Variants in KIAA1958 observed in about 807,000 individuals in gnomAD.
KIAA1958 encodes KIAA1958, also known as uncharacterized protein KIAA1958.
KIAA1958 carries 14 observed loss-of-function variants against 47.2 expected under a neutral mutation model. That is an observed-to-expected ratio of 0.30 (90% confidence interval 0.20 to 0.46). The LOEUF (loss-of-function observed/expected upper bound fraction) is 0.46. Among genes scored for constraint, KIAA1958 ranks in the 20% least tolerant of loss-of-function variants. KIAA1958 has a pLI of 1.00. For synonymous variants in KIAA1958, 354 were observed against 353.3 expected (o/e 1.00, Z -0.02); for missense variants, 803 against 909.2 (o/e 0.88, Z 1.50).
At position 112,525,200 on chromosome 9, in the gene KIAA1958, T is replaced by G. The variant is rs142021081; in HGVS notation, c.-25+38082T>G. Among the ~76,000 whole-genome samples the G allele has an allele frequency of 7.2e-3, 1,102 of 152,332 alleles. 11 individuals carry two copies. Among genetic ancestry groups the G allele is most frequent in the African/African-American group, 0.025 (1,034 of 41,564 alleles). On this transcript the variant is annotated intron_variant, in intron 1 of 3. Transcript: ENST00000337530. The stretch of plus-strand genomic sequence containing the variant: ...TAAGGCTTAGTACATGTTGACTCTT[T>G]AATTGTTGTGTCAGAGATGGTTGCA...
At chr9:112,603,083 T>C (rs1054505552) in intron 2 of KIAA1958, among the ~76,000 whole-genome samples, 4 of 152,132 alleles carry the variant, frequency 2.6e-5, no homozygotes, top group Admixed American at 6.5e-5. Context: ...TCATGGTCCA[T>C]TGGGGAGAGA....
At chr9:112,565,886 T>C (rs1052355139) in intron 1 of KIAA1958, among the ~76,000 whole-genome samples, 1 of 152,168 alleles carries the variant, frequency 6.6e-6, no homozygotes, top group African/African-American at 2.4e-5. Context: ...AACTTAATGT[T>C]TACTACCTTT....
intron 2 of KIAA1958, among the ~76,000 whole-genome samples, chr9:112,602,143 G>A (rs1836144532): frequency 6.6e-6 from 1 of 152,082 alleles, no homozygotes; most frequent in South Asian, 2.1e-4. Flanking sequence ...AGAAGATATT[G>A]ACTTTTTAAT....
chr9:112,593,578 T>C (rs1835963826), intron 2 of KIAA1958, among the ~76,000 whole-genome samples: 1 of 152,296 alleles, frequency 6.6e-6, no homozygotes, highest in African/African-American at 2.4e-5. Flanking sequence ...TTTTTTGTTT[T>C]TGTTTTGTTT....
intron 1 of KIAA1958, among the ~76,000 whole-genome samples, chr9:112,506,878 G>C (rs538326490): frequency 6.6e-6 from 1 of 152,160 alleles, no homozygotes; most frequent in South Asian, 2.1e-4. Flanking sequence ...TGCTTAACTA[G>C]AAGTGTGGTA....
intron 2 of KIAA1958, among the ~76,000 whole-genome samples, chr9:112,582,228 C>T (rs1240416669): frequency 6.6e-6 from 1 of 152,134 alleles, no homozygotes; most frequent in African/African-American, 2.4e-5. Flanking sequence ...TTTTAAATGA[C>T]TAGAGAAGTA....
At chr9:112,645,987 A>T (rs1779622737) in intron 3 of KIAA1958, among the ~76,000 whole-genome samples, 165 bp downstream of exon 3, 1 of 152,240 alleles carries the variant, frequency 6.6e-6, no homozygotes. Context: ...AGAATTTAAC[A>T]AGCGTTTTAT....
chr9:112,658,357 A>T (rs967874500), intron 3 of KIAA1958, among the ~76,000 whole-genome samples: 1 of 152,250 alleles, frequency 6.6e-6, no homozygotes, highest in Non-Finnish European at 1.5e-5. Context: ...AAGGAAATCA[A>T]TGATGAAGTT....
intron 1 of KIAA1958, among the ~76,000 whole-genome samples, chr9:112,556,301 G>A (rs1292657965): frequency 6.6e-6 from 1 of 152,152 alleles, no homozygotes; most frequent in Non-Finnish European, 1.5e-5. Flanking sequence ...CATACCCAGG[G>A]CAAAGTCTGC....
chr9:112,610,034 A>G (rs1255570020), intron 2 of KIAA1958, among the ~76,000 whole-genome samples: 1 of 152,122 alleles, frequency 6.6e-6, no homozygotes, highest in African/African-American at 2.4e-5. Context: ...TCAGAACACA[A>G]TGAAGCAAAA....
chr9:112,647,645 A>C (rs146125594), intron 3 of KIAA1958, among the ~76,000 whole-genome samples: 215 of 152,374 alleles, frequency 1.4e-3, no homozygotes, highest in Non-Finnish European at 2.6e-3. Context: ...AGATTTAAAA[A>C]CAAATTGAAA....
intron 1 of KIAA1958, among the ~76,000 whole-genome samples, chr9:112,498,597 A>C (rs1332915018): frequency 6.6e-6 from 1 of 152,142 alleles, no homozygotes; most frequent in East Asian, 1.9e-4. Context: ...GCATAATCTT[A>C]TGTGTAGAGT....
At chr9:112,545,187 A>G (rs1049483428) in intron 1 of KIAA1958, among the ~76,000 whole-genome samples, 1 of 152,160 alleles carries the variant, frequency 6.6e-6, no homozygotes, top group African/African-American at 2.4e-5. Context: ...AATGATCCCA[A>G]ATCTGCTTGT....
chr9:112,548,258 G>A (rs1165115995), intron 1 of KIAA1958, among the ~76,000 whole-genome samples: 2 of 152,184 alleles, frequency 1.3e-5, no homozygotes, highest in South Asian at 2.1e-4. Flanking sequence ...GCCTCCCAAA[G>A]TGTTACAGGT....
chr9:112,559,143 T>C (rs1835288726), intron 1 of KIAA1958, among the ~76,000 whole-genome samples: 3 of 152,176 alleles, frequency 2.0e-5, no homozygotes, highest in Admixed American at 2.0e-4. Context: ...TTCTTCTACG[T>C]AGACATGTGA....
intron 2 of KIAA1958, among the ~76,000 whole-genome samples, chr9:112,634,508 G>A (rs1302447074): frequency 6.6e-6 from 1 of 152,208 alleles, no homozygotes; most frequent in Non-Finnish European, 1.5e-5. Context: ...TGGGATTACA[G>A]GCGTGAGCCA....
chr9:112,524,340 C>G (rs1834604289), intron 1 of KIAA1958, among the ~76,000 whole-genome samples: 3 of 152,362 alleles, frequency 2.0e-5, no homozygotes, highest in South Asian at 4.1e-4. Flanking sequence ...TTTACAAATT[C>G]ATGGCTTTGG....
chr9:112,618,526 G>A lies in KIAA1958; in HGVS notation c.1172-27124G>A, dbSNP rs1481895365. 6.4e-7 allele frequency: 1 copy of A among 1,550,614 alleles called. No homozygotes were observed. Among genetic ancestry groups the A allele is most frequent in the East Asian group, 2.4e-5 (1 of 40,928 alleles). On this transcript the variant is annotated intron_variant, in intron 2 of 3. Coordinates refer to ENST00000337530, the MANE Select transcript of KIAA1958 (RefSeq NM_133465.4). This position sits in a 1 kb window ranked among gnomAD's most constrained non-coding sequence, Gnocchi z 7.1. ...CAGACTCCCGTGTGTATGCCACCCA[G>A]CACGCCCCACAGACCTGCCCTGTCC...
chr9:112,654,199 T>C (rs947643323), intron 3 of KIAA1958, among the ~76,000 whole-genome samples: 2 of 152,204 alleles, frequency 1.3e-5, no homozygotes, highest in South Asian at 2.1e-4. Context: ...CAGGAAACTA[T>C]CAAAGTTTGG....
Sources: allele counts gnomAD v4.1 joint callset (sites outside exome capture counted in the v4.1 genomes callset), GRCh38; gene constraint gnomAD v4.1.1; non-coding constraint Gnocchi (gnomAD v3.1); transcripts MANE v1.5; gene names NCBI Gene and HGNC (gene_info 2026-07-23, HGNC 2026-07-21).